The following ARHGEF11 variants were observed in gnomAD, a reference collection of about 807,000 sequenced individuals.
The protein encoded by ARHGEF11 is Rho guanine exchange factor (GEF) 11.
A neutral mutation model predicts 193.7 loss-of-function variants in ARHGEF11; 55 were observed. That is an observed-to-expected ratio of 0.28 (90% CI 0.23 to 0.36). The LOEUF (loss-of-function observed/expected upper bound fraction) is 0.36. ARHGEF11 is among the 10% of genes least tolerant of loss of function. The pLI is 1.00. For synonymous variants in ARHGEF11, 693 were observed against 768.0 expected (o/e 0.90, Z 1.62); for missense variants, 1,723 against 2,005.6 (o/e 0.86, Z 2.69).
chr1:156,991,473 C>T (rs1490482289), intron 1 of ARHGEF11, among the ~76,000 whole-genome samples: 1 of 152,062 alleles, frequency 6.6e-6, no homozygotes, highest in Admixed American at 6.6e-5. Flanking sequence ...GCACACACCA[C>T]CACGCCTGGC....
chr1:156,989,231 C>T (rs1665377055), intron 1 of ARHGEF11, among the ~76,000 whole-genome samples: 1 of 151,724 alleles, frequency 6.6e-6, no homozygotes, highest in Non-Finnish European at 1.5e-5. Flanking sequence ...TCAGTTATCC[C>T]CTACTGCCAG....
At chr1:156,961,863 CA>C in intron 13 of ARHGEF11, 88 bp from the exon 14 acceptor site, 3 of 1,181,068 alleles carry the variant, frequency 2.5e-6, no homozygotes, top group Non-Finnish European at 2.5e-6. Flanking sequence ...TGTCTGGAGA[CA>C]TTTTTAGTTG....
intron 11 of ARHGEF11, among the ~76,000 whole-genome samples, chr1:156,965,139 G>T (rs1279686928): frequency 6.6e-6 from 1 of 152,034 alleles, no homozygotes; most frequent in East Asian, 1.9e-4. Context: ...TACTCTATTT[G>T]CTCTTAACAC....
At chr1:157,028,570 A>C (rs1384381408) in intron 1 of ARHGEF11, among the ~76,000 whole-genome samples, 2 of 152,162 alleles carry the variant, frequency 1.3e-5, no homozygotes, top group African/African-American at 4.8e-5. Flanking sequence ...ACTATATTTG[A>C]ATCGATCTCA....
chr1:156,959,254 G>C, intron 15 of ARHGEF11, 112 bp from the exon 16 acceptor site: 1 of 872,352 alleles, frequency 1.1e-6, no homozygotes, highest in Non-Finnish European at 1.8e-6. Flanking sequence ...TGGGAGGAAG[G>C]GCTGGCTTTC....
At chr1:157,008,020 G>T (rs965321115) in intron 1 of ARHGEF11, among the ~76,000 whole-genome samples, 8 of 145,750 alleles carry the variant, frequency 5.5e-5, no homozygotes, top group Non-Finnish European at 7.5e-5. Context: ...TTAAATAAAA[G>T]AATAAGCCTA....
At chr1:156,963,116 A>G in intron 13 of ARHGEF11, 87 bp downstream of exon 13, 2 of 1,043,876 alleles carry the variant, frequency 1.9e-6, no homozygotes, top group Non-Finnish European at 2.9e-6. Flanking sequence ...TCTGACTTGT[A>G]ACAGCCAGGG....
chr1:156,939,489 G>C (rs963105303), intron 37 of ARHGEF11, 59 bp downstream of exon 37: 2 of 1,599,108 alleles, frequency 1.3e-6, no homozygotes, highest in African/African-American at 1.3e-5. Flanking sequence ...CTGTTCGGAA[G>C]ACTTATCTCA....
At chr1:156,989,076 C>T (rs1244606483) in intron 1 of ARHGEF11, among the ~76,000 whole-genome samples, 3 of 152,088 alleles carry the variant, frequency 2.0e-5, no homozygotes, top group African/African-American at 7.2e-5. Flanking sequence ...TTCCTGAGGA[C>T]ATTCTCATCA....
chr1:156,960,305 A>T, intron 15 of ARHGEF11, 113 bp downstream of exon 15: 1 of 1,007,040 alleles, frequency 9.9e-7, no homozygotes, highest in Non-Finnish European at 1.5e-6. Context: ...CCTCTATTAC[A>T]GGACGGTTGC....
At position 156,948,111 on chromosome 1, in the gene ARHGEF11, G is replaced by A. The variant is rs1241399049; in HGVS notation, c.2153+70C>T. 2 of 1,537,606 alleles carry A rather than the reference G, an allele frequency of 1.3e-6. No individual in the cohort carries two copies. The highest frequency in any genetic ancestry group is 2.3e-5 in the East Asian group (1 of 44,144). ...GCCACCCAACCAGCCCCTTGCAGGTGAGAGGAGCAGCTGGGTGTGGATGGG... is the reference window on the plus strand; with the variant it reads ...GCCACCCAACCAGCCCCTTGCAGGTAAGAGGAGCAGCTGGGTGTGGATGGG... On this transcript the variant is annotated intron_variant, in intron 24 of 40. Coordinates refer to ENST00000368194, the MANE Select transcript of ARHGEF11 (RefSeq NM_198236.3). This position sits in a 1 kb window ranked among gnomAD's most constrained non-coding sequence, Gnocchi z 4.2.
In ARHGEF11 at chr1:156,948,236, G is replaced by A. The variant is rs1337817847; in HGVS notation, c.2106-8C>T. 2 of 1,593,288 alleles carry A rather than the reference G, an allele frequency of 1.3e-6. No individual in the cohort carries two copies. The highest frequency in any genetic ancestry group is 1.7e-6 in the Non-Finnish European group (2 of 1,166,366). On this transcript the variant is annotated splice_polypyrimidine_tract_variant and splice_region_variant and intron_variant, in intron 23 of 40. Transcript: ENST00000368194. This position sits in a 1 kb window ranked among gnomAD's most constrained non-coding sequence, Gnocchi z 4.2. Reference sequence around the variant, plus strand: ...GTTGGGTTCTCAAGAGACCTGTGGAGGGAATGTCAACTCTCAGCAACCCTC... The same window carrying A: ...GTTGGGTTCTCAAGAGACCTGTGGAAGGAATGTCAACTCTCAGCAACCCTC...
intron 1 of ARHGEF11, among the ~76,000 whole-genome samples, chr1:157,027,716 G>A (rs139170484): frequency 6.6e-6 from 1 of 152,286 alleles, no homozygotes; most frequent in Non-Finnish European, 1.5e-5. Flanking sequence ...CCCATCAGGA[G>A]GTAGAGTCTA....
At chr1:156,938,259 T>A (rs192904295) in intron 38 of ARHGEF11, among the ~76,000 whole-genome samples, 159 bp downstream of exon 38, 9 of 152,166 alleles carry the variant, frequency 5.9e-5, no homozygotes, top group Non-Finnish European at 1.2e-4. Flanking sequence ...TAGAACCAGA[T>A]CTCCCCGTCT....
chr1:156,983,822 A>G (rs1394737954), intron 3 of ARHGEF11, among the ~76,000 whole-genome samples: 1 of 152,224 alleles, frequency 6.6e-6, no homozygotes, highest in African/African-American at 2.4e-5. Context: ...AAACTTCCAA[A>G]CACCATTTCC....
At position 156,968,152 on chromosome 1, in the gene ARHGEF11, G is replaced by A. The variant is rs758857040; in HGVS notation, c.826-28C>T. The A allele has an allele frequency of 1.9e-6, 3 of 1,591,854 alleles. No individual in the cohort carries two copies. The Admixed American group carries it at 5.2e-5, about 27-fold the overall frequency. ...AGAGAAACAAAGAATTCTGTGAGAA[G>A]GAACCTTGTCCGGAAGACCCTCAAG... On this transcript the variant is annotated intron_variant, in intron 10 of 40. Coordinates refer to ENST00000368194, the MANE Select transcript of ARHGEF11 (RefSeq NM_198236.3).
In ARHGEF11 at chr1:156,970,042, T is replaced by C. The variant is rs560575884; in HGVS notation, c.704A>G (p.Asp235Gly). The change falls in exon 9 of 41, where the codon GAC becomes GGC. Residue 235 changes from aspartate (D) to glycine (G), a missense_variant and splice_region_variant. Asp to Gly is a moderately conservative substitution (Grantham distance 94, BLOSUM62 -1). Transcript: ENST00000368194. ...KIQQETGGSV[D>G]ILPLYGDTSQ... ...GGTGTCACCATATAGTGGAAGTATG[T>C]CCTGAAACAGAAAGGCCCACAGGGT... 1.9e-6 allele frequency: 3 copies of C among 1,613,944 alleles called. No homozygotes were observed. The highest frequency in any genetic ancestry group is 2.7e-5 in the African/African-American group (2 of 75,032).
intron 36 of ARHGEF11, 136 bp from the exon 37 acceptor site, chr1:156,940,046 G>T: frequency 6.9e-7 from 1 of 1,440,860 alleles, no homozygotes; most frequent in Non-Finnish European, 9.3e-7. Context: ...CCAACTAGCT[G>T]GTGGGGGTTG....
At chr1:157,027,974 G>A (rs948385625) in intron 1 of ARHGEF11, among the ~76,000 whole-genome samples, 1 of 152,168 alleles carries the variant, frequency 6.6e-6, no homozygotes, top group African/African-American at 2.4e-5. Flanking sequence ...TCAAGCCCCA[G>A]CTGTTTGAGC....
Sources: allele counts gnomAD v4.1 joint callset (sites outside exome capture counted in the v4.1 genomes callset), GRCh38; gene constraint gnomAD v4.1.1; non-coding constraint Gnocchi (gnomAD v3.1); transcripts MANE v1.5; gene names NCBI Gene and HGNC (gene_info 2026-07-23, HGNC 2026-07-21).